Variants in CRIP2 observed in about 807,000 individuals in gnomAD.
The protein encoded by CRIP2 is cysteine-rich protein 2.
CRIP2 carries 31 observed loss-of-function variants against 31.3 expected under a neutral mutation model. The observed-to-expected ratio is 0.99, with a 90% CI of 0.74 to 1.34. The LOEUF is 1.34. Ranked by LOEUF, CRIP2 falls within the 40% of genes most tolerant of loss-of-function variation. The pLI, the probability that CRIP2 is intolerant of heterozygous loss-of-function variation, is 0.00. For missense variants in CRIP2, 389 were observed against 301.6 expected (o/e 1.29, Z -2.15); for synonymous variants, 177 against 127.2 (o/e 1.39, Z -2.63).
chr14:105,478,422 G>C lies in CRIP2; in HGVS notation c.139-28G>C, dbSNP rs782362459. On this transcript the variant is annotated intron_variant, in intron 2 of 7. Transcript: ENST00000329146. This position sits in a 1 kb window ranked among gnomAD's most constrained non-coding sequence, Gnocchi z 4.9. ...TCGCGACTCCCGCCACCCTCAGGCAGGGTCCTGACCCGCGCCCCTCTGCGC... is the reference window on the plus strand; with the variant it reads ...TCGCGACTCCCGCCACCCTCAGGCACGGTCCTGACCCGCGCCCCTCTGCGC... 6.3e-7 allele frequency: 1 copy of C among 1,595,328 alleles called. No individual in the cohort carries two copies. Among genetic ancestry groups the C allele is most frequent in the Admixed American group, 1.7e-5 (1 of 58,742 alleles).
Position 105,478,168 on chromosome 14 carries a change from G to C in CRIP2, c.44-98G>C. ...GCCTGGGAGACCTCCTGAAAGTGGGGACCCCCGGAGCGCGTGGGGGTGGTG... is the reference window on the plus strand; with the variant it reads ...GCCTGGGAGACCTCCTGAAAGTGGGCACCCCCGGAGCGCGTGGGGGTGGTG... On this transcript the variant is annotated intron_variant, in intron 1 of 7. Coordinates refer to ENST00000329146, the MANE Select transcript of CRIP2 (RefSeq NM_001312.4). This position sits in a 1 kb window ranked among gnomAD's most constrained non-coding sequence, Gnocchi z 4.9. 1.0e-6 allele frequency: 1 copy of C among 960,320 alleles called. No homozygotes were observed. Among genetic ancestry groups the C allele is most frequent in the Non-Finnish European group, 1.5e-6 (1 of 679,724 alleles). The allele number at this position is 960,320 out of a possible 1,614,324, so 59.5% of individuals were successfully genotyped here. A position where few individuals can be genotyped will look rare whatever the true frequency, so the allele number is the denominator to read the frequency against.
At position 105,478,715 on chromosome 14, in the gene CRIP2, G is replaced by A; in HGVS notation, c.197-16G>A. ...CCCACCCCACGTACCCCCGCCCCACGTACCCCCACCCGCAGGCGTGAACAT... is the reference window on the plus strand; with the variant it reads ...CCCACCCCACGTACCCCCGCCCCACATACCCCCACCCGCAGGCGTGAACAT... On this transcript the variant is annotated splice_polypyrimidine_tract_variant and intron_variant, in intron 3 of 7. Coordinates refer to ENST00000329146, the MANE Select transcript of CRIP2 (RefSeq NM_001312.4). The surrounding 1 kb of genome is among the most constrained non-coding windows in gnomAD (Gnocchi z 4.9). 1.5e-6 allele frequency: 2 copies of A among 1,329,402 alleles called. No individual in the cohort carries two copies. 82.4% of individuals were successfully genotyped at this position (1,329,402 alleles called of 1,614,324 possible).
Position 105,478,687 on chromosome 14 carries a change from G to A in CRIP2, c.197-44G>A. On this transcript the variant is annotated intron_variant, in intron 3 of 7. Coordinates refer to ENST00000329146, the MANE Select transcript of CRIP2 (RefSeq NM_001312.4). This position sits in a 1 kb window ranked among gnomAD's most constrained non-coding sequence, Gnocchi z 4.9. ...TTTTCTGAGATGCCCGGTGGCCGCG[G>A]CCCCCACCCCACGTACCCCCGCCCC... 1 of 1,447,564 alleles carries A rather than the reference G, an allele frequency of 6.9e-7. No individual in the cohort carries two copies. The highest frequency in any genetic ancestry group is 9.1e-7 in the Non-Finnish European group (1 of 1,102,544). The allele number at this position is 1,447,564 out of a possible 1,614,324, so 89.7% of individuals were successfully genotyped here. A position where few individuals can be genotyped will look rare whatever the true frequency, so the allele number is the denominator to read the frequency against.
chr14:105,475,137 G>A (rs1255243554), intron 1 of CRIP2, among the ~76,000 whole-genome samples: 1 of 152,156 alleles, frequency 6.6e-6, no homozygotes, highest in African/African-American at 2.4e-5. Flanking sequence ...TTGTGGGGGC[G>A]GGGCAGGGAC....
intron 6 of CRIP2, 29 bp downstream of exon 6, chr14:105,479,248 C>T (rs782047009): frequency 1.5e-5 from 23 of 1,583,108 alleles, no homozygotes; most frequent in Middle Eastern, 3.7e-4. Flanking sequence ...GGCTTGGGGG[C>T]CGGGCAGGGG....
At position 105,479,431 on chromosome 14, in the gene CRIP2, C is replaced by T. The variant is rs368707395; in HGVS notation, c.502-5C>T. 29 of 1,612,676 alleles carry T rather than the reference C, an allele frequency of 1.8e-5. No homozygotes were observed. The highest frequency in any genetic ancestry group is 1.2e-4 in the African/African-American group (9 of 74,918). ...TCCTCCCTCAGCACCCACCTTCTGC[C>T]CCAGCACGACGGCCAGCCCTACTGC... On this transcript the variant is annotated splice_polypyrimidine_tract_variant and splice_region_variant and intron_variant, in intron 6 of 7. Transcript: ENST00000329146.
chr14:105,479,190 A>C lies in CRIP2; in HGVS notation c.472A>C (p.Lys158Gln), dbSNP rs2084030061. The part of the protein sequence containing the change: ...RPCLRCERCG[K>Q]TLTPGGHAEH... ...CTGCCTGCGCTGCGAGCGCTGCGGG[A>C]AGACACTGACCCCCGGCGGGCACGC... The change falls in exon 6 of 8, where the codon AAG becomes CAG. Residue 158 changes from lysine (K) to glutamine (Q), a missense_variant. Coordinates refer to ENST00000329146, the MANE Select transcript of CRIP2 (RefSeq NM_001312.4). 1 of 1,611,254 alleles carries C rather than the reference A, an allele frequency of 6.2e-7. No homozygotes were observed. Among genetic ancestry groups the C allele is most frequent in the Non-Finnish European group, 8.5e-7 (1 of 1,179,366 alleles).
At position 105,478,142 on chromosome 14, in the gene CRIP2, C is replaced by A; in HGVS notation, c.44-124C>A. Reference sequence around the variant, plus strand: ...CAGGGCCCGCCAGGTGGAAGGAAGGCGCCTGGGAGACCTCCTGAAAGTGGG... The same window carrying A: ...CAGGGCCCGCCAGGTGGAAGGAAGGAGCCTGGGAGACCTCCTGAAAGTGGG... On this transcript the variant is annotated intron_variant, in intron 1 of 7. Transcript: ENST00000329146. The surrounding 1 kb of genome is among the most constrained non-coding windows in gnomAD (Gnocchi z 4.9). 2 of 717,754 alleles carry A rather than the reference C, an allele frequency of 2.8e-6. No homozygotes were observed. The highest frequency in any genetic ancestry group is 2.2e-6 in the Non-Finnish European group (1 of 461,420). 44.5% of individuals were successfully genotyped at this position (717,754 alleles called of 1,614,324 possible).
intron 1 of CRIP2, chr14:105,475,781 T>C: frequency 1.0e-6 from 1 of 979,002 alleles, no homozygotes; most frequent in African/African-American, 1.7e-5. Flanking sequence ...CCTGGCTGAT[T>C]CGCTGCCCAG....
At chr14:105,475,574 C>A (rs2083914900) in intron 1 of CRIP2, among the ~76,000 whole-genome samples, 1 of 152,212 alleles carries the variant, frequency 6.6e-6, no homozygotes, top group Non-Finnish European at 1.5e-5. Flanking sequence ...TGAGAGGGAC[C>A]TTGTGCTCAA....
At chr14:105,475,283 G>A in intron 1 of CRIP2, 2 of 202,760 alleles carry the variant, frequency 9.9e-6, no homozygotes, top group Non-Finnish European at 2.0e-5. Flanking sequence ...CCCCGGGTGC[G>A]TCCCGCGCGC....
upstream of CRIP2, chr14:105,473,641 G>C: frequency 8.1e-7 from 1 of 1,236,646 alleles, no homozygotes; most frequent in Non-Finnish European, 1.1e-6. Context: ...CGCTCAGCTG[G>C]GGCCAGAAGG....
chr14:105,474,781 CCGGGCAGG>C, upstream of CRIP2: 1 of 1,186,962 alleles, frequency 8.4e-7, no homozygotes, highest in Non-Finnish European at 1.0e-6. The surrounding 1 kb of genome is among the most constrained non-coding windows in gnomAD (Gnocchi z 5.1). Context: ...GCGCGGACAG[CCGGGCAGG>C]CGGGGCTGGG....
upstream of CRIP2, chr14:105,474,805 G>A (rs2083896129): frequency 7.0e-6 from 9 of 1,283,612 alleles, no homozygotes; most frequent in South Asian, 9.0e-5. This position sits in a 1 kb window ranked among gnomAD's most constrained non-coding sequence, Gnocchi z 5.1. Flanking sequence ...CTGGGCGCGG[G>A]CGGCGGCGGC....
upstream of CRIP2, chr14:105,473,585 G>A (rs1039574285): frequency 2.7e-6 from 4 of 1,467,520 alleles, no homozygotes; most frequent in Non-Finnish European, 3.6e-6. Flanking sequence ...TGCCCCCATA[G>A]GGCCTGATCA....
At chr14:105,477,602 G>T (rs1459358131) in intron 1 of CRIP2, 1 of 950,742 alleles carries the variant, frequency 1.1e-6, no homozygotes. Flanking sequence ...GCAGAGGCAG[G>T]TGTGTGAGTG....
Position 105,478,608 on chromosome 14 carries a change from CCA to C in CRIP2, c.196+102_196+103del. ...GGTCCCGGCCGCCGTGGATCCCCGCCCAGAGTCCCTGCCACCCTGGAAAGCCT... is the reference window on the plus strand; with the variant it reads ...GGTCCCGGCCGCCGTGGATCCCCGCCGAGTCCCTGCCACCCTGGAAAGCCT... On this transcript the variant is annotated intron_variant, in intron 3 of 7. Coordinates refer to ENST00000329146, the MANE Select transcript of CRIP2 (RefSeq NM_001312.4). The surrounding 1 kb of genome is among the most constrained non-coding windows in gnomAD (Gnocchi z 4.9). 6.6e-7 allele frequency: 1 copy of C among 1,520,024 alleles called. No homozygotes were observed. Among genetic ancestry groups the C allele is most frequent in the African/African-American group, 1.4e-5 (1 of 72,654 alleles). 94.2% of individuals were successfully genotyped at this position (1,520,024 alleles called of 1,614,324 possible).
intron 1 of CRIP2, chr14:105,476,084 C>T (rs920727479): frequency 1.0e-6 from 1 of 985,494 alleles, no homozygotes; most frequent in East Asian, 1.1e-4. Context: ...GGCTGCCTCT[C>T]CTGGAGCCCG....
At chr14:105,476,013 A>G in intron 1 of CRIP2, 1 of 985,366 alleles carries the variant, frequency 1.0e-6, no homozygotes, top group Non-Finnish European at 1.2e-6. Context: ...CCCGTCCCAG[A>G]GGGGAGGGAC....
Sources: allele counts gnomAD v4.1 joint callset (sites outside exome capture counted in the v4.1 genomes callset), GRCh38; gene constraint gnomAD v4.1.1; non-coding constraint Gnocchi (gnomAD v3.1); transcripts MANE v1.5; gene names NCBI Gene and HGNC (gene_info 2026-07-23, HGNC 2026-07-21).